Variants in ASB4 observed in about 807,000 individuals in gnomAD.
ASB4 encodes the protein ankyrin repeat and SOCS box protein 4.
A neutral mutation model predicts 38.6 loss-of-function variants in ASB4; 35 were observed. The observed-to-expected ratio is 0.91, with a 90% CI of 0.69 to 1.20. The LOEUF is 1.20. ASB4 is among the 50% of genes most tolerant of loss of function. The pLI is 0.00. For missense variants in ASB4, 557 were observed against 527.2 expected (o/e 1.06, Z -0.55); for synonymous variants, 195 against 201.3 (o/e 0.97, Z 0.26).
chr7:95,484,452 A>G (rs1321633802), upstream of ASB4, among the ~76,000 whole-genome samples: 1 of 152,236 alleles, frequency 6.6e-6, no homozygotes, highest in East Asian at 1.9e-4. Flanking sequence ...AACTTGAACT[A>G]GTCTATGGTT....
rs536945120 is a variant in ASB4, at chr7:95,513,253, G to GT, written c.488-14539dup. 8.6e-4 allele frequency among the ~76,000 whole-genome samples: 66 copies of GT among 77,040 alleles called. 8 individuals are homozygous for GT. The highest frequency in any genetic ancestry group is 1.7e-3 in the African/African-American group (32 of 18,322). 50.5% of individuals were successfully genotyped at this position (77,040 alleles called of 152,430 possible). On this transcript the variant is annotated intron_variant, in intron 2 of 4. Transcript: ENST00000325885. ...TCAGGGTTTTTTTTGTTTTTTGTTT[G>GT]TTTTTTTTTTTTTTTTTTTTTAGAA...
upstream of ASB4, among the ~76,000 whole-genome samples, chr7:95,477,406 T>C (rs1562805862): frequency 6.6e-6 from 1 of 152,194 alleles, no homozygotes; most frequent in East Asian, 1.9e-4. Flanking sequence ...ATATATAAAA[T>C]AATAATTGAA....
intron 3 of ASB4, among the ~76,000 whole-genome samples, chr7:95,534,711 G>T (rs1790864761): frequency 6.6e-6 from 1 of 152,092 alleles, no homozygotes. Flanking sequence ...GACTTATATT[G>T]CTCTCTAACT....
At chr7:95,546,221 C>A in the ASB4 span, among the ~76,000 whole-genome samples, 56 of 152,274 alleles carry the variant, frequency 3.7e-4, no homozygotes, top group African/African-American at 1.3e-3. Flanking sequence ...GACTTGTAGA[C>A]CCTGCACATT....
At chr7:95,490,191 C>G (rs1790151758) in intron 1 of ASB4, among the ~76,000 whole-genome samples, 1 of 152,158 alleles carries the variant, frequency 6.6e-6, no homozygotes, top group Non-Finnish European at 1.5e-5. Flanking sequence ...TACTCTGTTT[C>G]CTTTACTAAG....
intron 2 of ASB4, among the ~76,000 whole-genome samples, chr7:95,497,024 G>A (rs1790260664): frequency 6.6e-6 from 1 of 152,084 alleles, no homozygotes; most frequent in African/African-American, 2.4e-5. Context: ...TATGACCAGA[G>A]TATCATGGGT....
chr7:95,479,000 G>C (rs899308274), intron 1 of ASB4, among the ~76,000 whole-genome samples: 1 of 152,124 alleles, frequency 6.6e-6, no homozygotes, highest in Non-Finnish European at 1.5e-5. Flanking sequence ...CTGCCACAGG[G>C]AAGACTTTCA....
intron 2 of ASB4, among the ~76,000 whole-genome samples, chr7:95,525,581 A>C (rs1232248305): frequency 6.6e-6 from 1 of 152,186 alleles, no homozygotes; most frequent in African/African-American, 2.4e-5. Flanking sequence ...GTCCAAGTAC[A>C]TTAAAAAAGG....
chr7:95,528,522 G>C, intron 3 of ASB4: 2 of 1,428,586 alleles, frequency 1.4e-6, no homozygotes, highest in Non-Finnish European at 1.8e-6. Flanking sequence ...ATGAGAAAAA[G>C]AGTAGCAAAT....
chr7:95,497,748 G>A (rs892636336), intron 2 of ASB4, among the ~76,000 whole-genome samples: 1 of 152,036 alleles, frequency 6.6e-6, no homozygotes, highest in African/African-American at 2.4e-5. Context: ...AATTTTGCCT[G>A]TTTTCAGAAT....
intron 3 of ASB4, among the ~76,000 whole-genome samples, chr7:95,529,704 A>G (rs1414048753): frequency 1.3e-5 from 2 of 152,188 alleles, no homozygotes; most frequent in African/African-American, 4.8e-5. Context: ...GGAACTACAA[A>G]TGATTAAGAT....
chr7:95,537,028 A>C (rs1790897927), intron 4 of ASB4, among the ~76,000 whole-genome samples: 1 of 152,188 alleles, frequency 6.6e-6, no homozygotes, highest in Admixed American at 6.5e-5. Flanking sequence ...AGACTTTGCT[A>C]CCAATGTATA....
chr7:95,535,419 TGATTTATGTTCTCC>T (rs3834352), intron 3 of ASB4, among the ~76,000 whole-genome samples: 20,951 of 152,154 alleles, frequency 0.14, 1,542 homozygotes, highest in African/African-American at 0.16. Flanking sequence ...TCAGAAAGGT[TGATTTATGTTCTCC>T]GAAGTTTCAT....
Position 95,538,933 on chromosome 7 carries a change from T to C in ASB4, c.*1174T>C, listed in dbSNP as rs1790933554. The C allele has an allele frequency of 6.6e-6, 1 of 152,194 alleles. No homozygotes were observed. The highest frequency in any genetic ancestry group is 2.4e-5 in the African/African-American group (1 of 41,446). 9.4% of individuals were successfully genotyped at this position (152,194 alleles called of 1,614,324 possible). A position where few individuals can be genotyped will look rare whatever the true frequency, so the allele number is the denominator to read the frequency against. ...ACGAAAAGTAAATAGAGAGACTTTT[T>C]GAAAATGGTAAAAGTTTGAGAAACT... On this transcript the variant is annotated 3_prime_UTR_variant, in exon 5 of 5. Coordinates refer to ENST00000325885, the MANE Select transcript of ASB4 (RefSeq NM_016116.3).
At chr7:95,528,563 C>T in intron 3 of ASB4, 1 of 1,410,642 alleles carries the variant, frequency 7.1e-7, no homozygotes, top group Non-Finnish European at 9.2e-7. Context: ...AACACCAGTG[C>T]ACTGGTGGCT....
In ASB4 at chr7:95,504,187, T is replaced by C. The variant is rs1231686708; in HGVS notation, c.487+8130T>C. 7.9e-5 allele frequency among the ~76,000 whole-genome samples: 12 copies of C among 152,318 alleles called. No individual in the cohort carries two copies. In the East Asian group the frequency reaches 2.1e-3, roughly 27 times the overall value. On this transcript the variant is annotated intron_variant, in intron 2 of 4. Transcript: ENST00000325885. ...AAAATGAAAGCTGCCCGCTTTACTC[T>C]GCATGAAGCAAATCCTGACAGTAGG... is the stretch of plus-strand genomic sequence containing the variant.
chr7:95,528,445 C>T (rs1341781208), intron 3 of ASB4, 142 bp downstream of exon 3: 2 of 1,477,100 alleles, frequency 1.4e-6, no homozygotes, highest in African/African-American at 1.4e-5. Context: ...CATTACATAC[C>T]TAATCCTAGC....
At chr7:95,487,752 T>C (rs1004916845) in intron 1 of ASB4, among the ~76,000 whole-genome samples, 7 of 152,148 alleles carry the variant, frequency 4.6e-5, no homozygotes, top group African/African-American at 1.4e-4. Context: ...AATTGAGGTG[T>C]TTTCATAGTG....
intron 4 of ASB4, among the ~76,000 whole-genome samples, chr7:95,537,144 G>T (rs1195468201): frequency 6.6e-6 from 1 of 152,190 alleles, no homozygotes; most frequent in Admixed American, 6.5e-5. Flanking sequence ...CACTGGGCTT[G>T]GAGGTCTGTG....
Sources: allele counts gnomAD v4.1 joint callset (sites outside exome capture counted in the v4.1 genomes callset), GRCh38; gene constraint gnomAD v4.1.1; transcripts MANE v1.5; gene names NCBI Gene and HGNC (gene_info 2026-07-23, HGNC 2026-07-21).